FGF14: variants seen among roughly 807,000 people sequenced by gnomAD.
FGF14 encodes fibroblast growth factor homologous factor 4.
A neutral mutation model predicts 25.5 loss-of-function variants in FGF14; 5 were observed. That is an observed-to-expected ratio of 0.20 (90% CI 0.10 to 0.41). FGF14 has a LOEUF of 0.41. FGF14 is among the 10% of genes least tolerant of loss of function. The pLI is 1.00. For synonymous variants in FGF14, 138 were observed against 118.3 expected (o/e 1.17, Z -1.08); for missense variants, 222 against 320.1 (o/e 0.69, Z 2.34).
At chr13:101,725,826 A>G (rs1349356494) in intron 4 of FGF14, among the ~76,000 whole-genome samples, 2 of 152,086 alleles carry the variant, frequency 1.3e-5, no homozygotes, top group African/African-American at 4.8e-5. Context: ...GTAATTCTCA[A>G]ATGTTACATA....
At chr13:102,373,627 T>C (rs1323283689) in intron 1 of FGF14, 2 of 152,186 alleles carry the variant, frequency 1.3e-5, no homozygotes, top group Non-Finnish European at 2.9e-5. Context: ...CTCTTCAGTG[T>C]TGTTTATCAA....
rs552606448 is a variant in FGF14 at position 101,975,854 on chromosome 13, C to A, written c.209-100558G>T. ...ATCCTGTTTTTGTGACAGGAGAGAA[C>A]AAAATCCACTTGGACAAAGTAGAAA... On this transcript the variant is annotated intron_variant, in intron 1 of 4. Transcript: ENST00000376131. 2.6e-5 allele frequency among the ~76,000 whole-genome samples: 4 copies of A among 152,250 alleles called. No individual in the cohort carries two copies. The South Asian group carries it at 8.3e-4, about 32-fold the overall frequency.
chr13:102,192,657 T>A (rs767972896), intron 1 of FGF14, among the ~76,000 whole-genome samples: 19 of 152,192 alleles, frequency 1.2e-4, no homozygotes, highest in Admixed American at 3.3e-4. Context: ...AAATCCAAAG[T>A]CTTATCTAAA....
chr13:102,210,968 C>G (rs866449269), intron 1 of FGF14, among the ~76,000 whole-genome samples: 9 of 152,090 alleles, frequency 5.9e-5, no homozygotes, highest in Admixed American at 1.3e-4. Flanking sequence ...GGTGAACAAC[C>G]TCTTGGGACG....
intron 3 of FGF14, among the ~76,000 whole-genome samples, chr13:101,835,228 G>GGT (rs1245519043): frequency 1.3e-5 from 2 of 151,710 alleles, no homozygotes; most frequent in Non-Finnish European, 1.5e-5. Flanking sequence ...TGTGTATGTG[G>GGT]GTGTGTGTGT....
intron 1 of FGF14, among the ~76,000 whole-genome samples, chr13:102,092,911 G>A (rs546446353): frequency 5.3e-5 from 8 of 152,154 alleles, no homozygotes; most frequent in Non-Finnish European, 1.2e-4. Context: ...TTATGAAGAA[G>A]AAGGCAGCAT....
intron 1 of FGF14, among the ~76,000 whole-genome samples, chr13:101,965,125 C>T (rs1384576551): frequency 1.3e-5 from 2 of 151,826 alleles, no homozygotes; most frequent in Admixed American, 6.6e-5. Context: ...GGGAGGCACC[C>T]GTAATCCCAG....
chr13:101,989,290 C>T lies in FGF14; in HGVS notation c.209-113994G>A, dbSNP rs535360927. 5.3e-5 allele frequency among the ~76,000 whole-genome samples: 8 copies of T among 152,056 alleles called. No homozygotes were observed. In the South Asian group the frequency reaches 8.3e-4, roughly 16 times the overall value. On this transcript the variant is annotated intron_variant, in intron 1 of 4. Transcript: ENST00000376131. ...AATTTTGATTTGTAATTATTAAAAACTCCAATTCACAAATATAATTTTAAG... is the reference window on the plus strand; with the variant it reads ...AATTTTGATTTGTAATTATTAAAAATTCCAATTCACAAATATAATTTTAAG...
chr13:102,360,387 C>G (rs1412990303), intron 1 of FGF14, among the ~76,000 whole-genome samples: 1 of 152,082 alleles, frequency 6.6e-6, no homozygotes, highest in Non-Finnish European at 1.5e-5. Flanking sequence ...GGTAAATAAA[C>G]CCAAGCATGT....
rs2034697243 is a variant in FGF14, at chr13:101,715,839, A to C, written c.*6992T>G. 1 of 468,414 alleles carries C rather than the reference A, an allele frequency of 2.1e-6. No homozygotes were observed. Among genetic ancestry groups the C allele is most frequent in the Non-Finnish European group, 3.8e-6 (1 of 261,242 alleles). The allele number at this position is 468,414 out of a possible 1,614,324, so 29.0% of individuals were successfully genotyped here. ...ATGAGTTATGCAAATTTAGATGCAA[A>C]TAACATTAGAAAAAAAAGATTCTTC... On this transcript the variant is annotated 3_prime_UTR_variant, in exon 5 of 5. Transcript: ENST00000376143.
chr13:102,253,372 T>C (rs952014447), intron 1 of FGF14, among the ~76,000 whole-genome samples: 8 of 152,228 alleles, frequency 5.3e-5, no homozygotes, highest in African/African-American at 1.9e-4. Flanking sequence ...CTAACTGGCA[T>C]GAAATGGTAT....
At chr13:101,992,333 A>T (rs2038956060) in intron 1 of FGF14, among the ~76,000 whole-genome samples, 1 of 152,188 alleles carries the variant, frequency 6.6e-6, no homozygotes, top group Admixed American at 6.6e-5. Context: ...CATGTTAGCC[A>T]GATAAATATC....
At chr13:101,903,605 T>A (rs2031858433) in intron 1 of FGF14, among the ~76,000 whole-genome samples, 1 of 152,136 alleles carries the variant, frequency 6.6e-6, no homozygotes, top group Admixed American at 6.5e-5. Flanking sequence ...TTTATATGCC[T>A]AAATATAGAG....
chr13:101,804,430 A>G (rs2041081880), intron 3 of FGF14, among the ~76,000 whole-genome samples: 1 of 152,198 alleles, frequency 6.6e-6, no homozygotes, highest in Non-Finnish European at 1.5e-5. Context: ...CAAAACTCAC[A>G]GACACTCCTA....
chr13:102,356,537 C>CT (rs1385721509), intron 1 of FGF14, among the ~76,000 whole-genome samples: 1 of 152,144 alleles, frequency 6.6e-6, no homozygotes, highest in Admixed American at 6.5e-5. Flanking sequence ...TACCTAAAAC[C>CT]TGTCATTATT....
chr13:102,248,420 G>C (rs1238789449), intron 1 of FGF14, among the ~76,000 whole-genome samples: 1 of 152,108 alleles, frequency 6.6e-6, no homozygotes, highest in Non-Finnish European at 1.5e-5. Context: ...CAATGCTGCA[G>C]ACATGCATTT....
At chr13:102,040,804 C>T (rs1406299520) in intron 1 of FGF14, among the ~76,000 whole-genome samples, 1 of 152,140 alleles carries the variant, frequency 6.6e-6, no homozygotes. Flanking sequence ...TGCCTGTCTG[C>T]TGTTTCTGTT....
intron 3 of FGF14, among the ~76,000 whole-genome samples, chr13:101,784,856 C>T (rs550142108): frequency 7.2e-5 from 11 of 152,246 alleles, no homozygotes; most frequent in South Asian, 4.1e-4. Flanking sequence ...TCACTGCATA[C>T]GCAATCTATG....
chr13:102,301,762 G>C (rs746684270), intron 1 of FGF14, among the ~76,000 whole-genome samples: 12 of 147,462 alleles, frequency 8.1e-5, no homozygotes, highest in African/African-American at 1.5e-4. Context: ...GTGCTGGAAG[G>C]CAATCTTACA....
Sources: gnomAD v4.1 joint callset for allele counts (sites outside exome capture counted in the v4.1 genomes callset) on GRCh38, gnomAD v4.1.1 for gene constraint, MANE v1.5 for transcripts, NCBI Gene and HGNC (gene_info 2026-07-23, HGNC 2026-07-21) for gene names.